The following CLMN variants were observed in gnomAD, a reference collection of about 807,000 sequenced individuals.
The protein encoded by CLMN is calmin.
Under a neutral mutation model 92.7 loss-of-function variants are expected in CLMN, and 57 were observed. That is an observed-to-expected ratio of 0.61 (90% confidence interval 0.50 to 0.77). The LOEUF is 0.77. CLMN is among the 30% of genes least tolerant of loss of function. The pLI is 0.00. For missense variants in CLMN, 1,158 were observed against 1,237.5 expected, an observed-to-expected ratio of 0.94 and a Z score of 0.96; for synonymous variants, 466 against 470.6, an observed-to-expected ratio of 0.99 and a Z score of 0.13.
At chr14:95,207,581 C>T (rs1455856464) in intron 8 of CLMN, among the ~76,000 whole-genome samples, 1 of 152,240 alleles carries the variant, frequency 6.6e-6, no homozygotes, top group African/African-American at 2.4e-5. Context: ...TTATCCTTCA[C>T]ATAGCCCTGA....
At position 95,189,200 on chromosome 14, in the gene CLMN, G is replaced by A. The variant is rs1170821723; in HGVS notation, c.*2364C>T. 6.6e-6 allele frequency: 1 copy of A among 152,182 alleles called. No individual in the cohort carries two copies. Among genetic ancestry groups the A allele is most frequent in the Non-Finnish European group, 1.5e-5 (1 of 68,038 alleles). 9.4% of individuals were successfully genotyped at this position (152,182 alleles called of 1,614,324 possible). On this transcript the variant is annotated 3_prime_UTR_variant, in exon 13 of 13. Coordinates refer to ENST00000298912, the MANE Select transcript of CLMN (RefSeq NM_024734.4). ...GGTAAGAGTGAAATCCTCCTCTACT[G>A]TGACAGCAAGCCAGTAGATGTTTCT...
intron 1 of CLMN, among the ~76,000 whole-genome samples, chr14:95,275,478 C>T (rs184832222): frequency 3.9e-5 from 6 of 152,274 alleles, no homozygotes; most frequent in East Asian, 1.9e-4. Flanking sequence ...GCCATGACAA[C>T]GTCTGGAAGT....
intron 1 of CLMN, among the ~76,000 whole-genome samples, chr14:95,241,473 AG>A (rs1360271883): frequency 1.3e-5 from 2 of 152,224 alleles, no homozygotes. Flanking sequence ...TTTCAATGCA[AG>A]GGGCAAAACA....
At chr14:95,211,022 G>T in intron 6 of CLMN, 143 bp from the exon 7 acceptor site, 1 of 698,508 alleles carries the variant, frequency 1.4e-6, no homozygotes, top group Non-Finnish European at 2.2e-6. Flanking sequence ...TCATCCCTGA[G>T]CATGGGAGAG....
Position 95,293,969 on chromosome 14 carries a change from G to A in CLMN, c.82+25742C>T, listed in dbSNP as rs138699218. 7.8e-3 allele frequency among the ~76,000 whole-genome samples: 1,192 copies of A among 152,206 alleles called. 15 individuals carry two copies. Among genetic ancestry groups the A allele is most frequent in the African/African-American group, 0.027 (1,138 of 41,516 alleles). On this transcript the variant is annotated intron_variant, in intron 1 of 12. Transcript: ENST00000298912. ...GCGTTTTAGCTAAAACTTACCAAACGCCAGCAGGGAAGGTGCCAGCCCCAC... is the reference window on the plus strand; with the variant it reads ...GCGTTTTAGCTAAAACTTACCAAACACCAGCAGGGAAGGTGCCAGCCCCAC...
At chr14:95,244,470 T>C (rs1194184555) in intron 1 of CLMN, among the ~76,000 whole-genome samples, 1 of 152,184 alleles carries the variant, frequency 6.6e-6, no homozygotes, top group East Asian at 1.9e-4. Context: ...AACCTGATTG[T>C]GGGTGCCTCT....
chr14:95,245,457 A>G (rs1047345403), intron 1 of CLMN, among the ~76,000 whole-genome samples: 6 of 149,638 alleles, frequency 4.0e-5, no homozygotes, highest in African/African-American at 1.5e-4. Flanking sequence ...GTAAGTACAG[A>G]TGCGTGATGG....
At position 95,194,312 on chromosome 14, in the gene CLMN, C is replaced by G. The variant is rs1035465824; in HGVS notation, c.2769+224G>C. On this transcript the variant is annotated intron_variant, in intron 11 of 12. Coordinates refer to ENST00000298912, the MANE Select transcript of CLMN (RefSeq NM_024734.4). The surrounding 1 kb of genome is among the most constrained non-coding windows in gnomAD (Gnocchi z 4.0). ...TGGGTGCGTTTTTATAGCAAGGAGG[C>G]CTTTGGGCTTTAAAATCCTCACTTT... 7.7e-6 allele frequency: 11 copies of G among 1,419,604 alleles called. No homozygotes were observed. The African/African-American group carries it at 1.0e-4, about 13-fold the overall frequency. The allele number at this position is 1,419,604 out of a possible 1,614,324, so 87.9% of individuals were successfully genotyped here.
intron 12 of CLMN, chr14:95,193,154 AT>A (rs1251014206): frequency 1.8e-6 from 1 of 556,678 alleles, no homozygotes; most frequent in Non-Finnish European, 3.2e-6. Flanking sequence ...TTTTTTAAAA[AT>A]AAAAACATAA....
chr14:95,293,874 C>G (rs914993760), intron 1 of CLMN, among the ~76,000 whole-genome samples: 2 of 152,146 alleles, frequency 1.3e-5, no homozygotes, highest in African/African-American at 4.8e-5. Context: ...CTACGTGGTA[C>G]GGAATGAGGC....
At chr14:95,273,337 C>T (rs1290588113) in intron 1 of CLMN, among the ~76,000 whole-genome samples, 6 of 152,164 alleles carry the variant, frequency 3.9e-5, no homozygotes, top group Non-Finnish European at 8.8e-5. Flanking sequence ...ATCCACTACC[C>T]GCCCCACTCC....
chr14:95,284,064 T>G (rs765702788), intron 1 of CLMN, among the ~76,000 whole-genome samples: 3 of 152,128 alleles, frequency 2.0e-5, no homozygotes, highest in Admixed American at 6.5e-5. Context: ...CTGTGCTGTG[T>G]GCAGCCTAGG....
chr14:95,206,081 AG>A (rs1897039452), intron 8 of CLMN, among the ~76,000 whole-genome samples: 1 of 152,248 alleles, frequency 6.6e-6, no homozygotes, highest in Non-Finnish European at 1.5e-5. Flanking sequence ...ATACACTGAA[AG>A]GAAAAAAATG....
At chr14:95,201,304 C>T (rs762868916) in intron 9 of CLMN, among the ~76,000 whole-genome samples, 4 of 151,620 alleles carry the variant, frequency 2.6e-5, no homozygotes, top group African/African-American at 9.7e-5. Flanking sequence ...CCCAAGCAGC[C>T]GTGTCAGCTT....
At chr14:95,205,963 G>A (rs533289475) in intron 8 of CLMN, among the ~76,000 whole-genome samples, 51 of 152,180 alleles carry the variant, frequency 3.4e-4, no homozygotes, top group African/African-American at 9.6e-4. Context: ...GATGAAACCC[G>A]TATAAACGTA....
Position 95,194,115 on chromosome 14 carries a change from T to A in CLMN, c.2770-196A>T. The A allele has an allele frequency of 7.0e-7, 1 of 1,420,816 alleles. No individual in the cohort carries two copies. Among genetic ancestry groups the A allele is most frequent in the Non-Finnish European group, 9.1e-7 (1 of 1,094,378 alleles). The allele number at this position is 1,420,816 out of a possible 1,614,324, so 88.0% of individuals were successfully genotyped here. A position where few individuals can be genotyped will look rare whatever the true frequency, so the allele number is the denominator to read the frequency against. On this transcript the variant is annotated intron_variant, in intron 11 of 12. Coordinates refer to ENST00000298912, the MANE Select transcript of CLMN (RefSeq NM_024734.4). The surrounding 1 kb of genome is among the most constrained non-coding windows in gnomAD (Gnocchi z 4.0). ...TACCTCCTCCCCTAAGCCCCTCCCTTGTGAGTGCGAGAGACCCCACCACCC... is the reference window on the plus strand; with the variant it reads ...TACCTCCTCCCCTAAGCCCCTCCCTAGTGAGTGCGAGAGACCCCACCACCC...
intron 1 of CLMN, among the ~76,000 whole-genome samples, chr14:95,236,596 C>T (rs1015233568): frequency 2.0e-5 from 3 of 152,076 alleles, no homozygotes; most frequent in South Asian, 2.1e-4. Context: ...CACAATGACC[C>T]GGCTCAGAGT....
chr14:95,223,759 C>A lies in CLMN; in HGVS notation c.240+1G>T. 1 of 1,609,138 alleles carries A rather than the reference C, an allele frequency of 6.2e-7. No individual in the cohort carries two copies. The highest frequency in any genetic ancestry group is 8.5e-7 in the Non-Finnish European group (1 of 1,176,658). On this transcript the variant is annotated splice_donor_variant, in intron 3 of 12. Coordinates refer to ENST00000298912, the MANE Select transcript of CLMN (RefSeq NM_024734.4). LOFTEE classifies it high-confidence loss of function. ...TTCTGACCCTTCTGTAACATACGTA[C>A]CAGATTCCGCCCAGACAGGACTTCT...
intron 2 of CLMN, among the ~76,000 whole-genome samples, chr14:95,227,043 G>A (rs1002449349): frequency 1.3e-5 from 2 of 152,148 alleles, no homozygotes; most frequent in African/African-American, 4.8e-5. Flanking sequence ...AATGGGGCAT[G>A]GAGCTCCTGA....
Sources: allele counts gnomAD v4.1 joint callset (sites outside exome capture counted in the v4.1 genomes callset), GRCh38; gene constraint gnomAD v4.1.1; non-coding constraint Gnocchi (gnomAD v3.1); transcripts MANE v1.5; gene names NCBI Gene and HGNC (gene_info 2026-07-23, HGNC 2026-07-21).